Variants in MDGA2 observed in about 807,000 individuals in gnomAD.
The protein encoded by MDGA2 is MAM domain-containing glycosylphosphatidylinositol anchor protein 2.
A neutral mutation model predicts 117.8 loss-of-function variants in MDGA2; 40 were observed. That is an observed-to-expected ratio of 0.34 (90% CI 0.26 to 0.44). MDGA2 has a LOEUF of 0.44. Ranked by LOEUF, MDGA2 falls within the 20% of genes least tolerant of loss-of-function variation. The pLI is 1.00. For synonymous variants in MDGA2, 452 were observed against 439.0 expected, an observed-to-expected ratio of 1.03 and a Z score of -0.37; for missense variants, 1,123 against 1,250.6, an observed-to-expected ratio of 0.90 and a Z score of 1.54.
rs1035505741 is a variant in MDGA2, at chr14:47,675,555, C to T, written c.-759G>A. Among the ~76,000 whole-genome samples, 1 of 152,164 alleles carries T rather than the reference C, an allele frequency of 6.6e-6. No homozygotes were observed. The highest frequency in any genetic ancestry group is 2.4e-5 in the African/African-American group (1 of 41,456). ...GTGCTCTGGCCGGCCGCACCAATTC[C>T]CGGAGCCGAAAGCAGAGTCCAGGCA... On this transcript the variant is annotated 5_prime_UTR_variant, in exon 1 of 17. Transcript: ENST00000399232.
intron 3 of MDGA2, 146 bp from the exon 4 acceptor site, chr14:47,144,420 T>G (rs1039467168): frequency 1.8e-6 from 1 of 557,156 alleles, no homozygotes; most frequent in Admixed American, 3.4e-5. Flanking sequence ...CTCAGCTTAT[T>G]GAATTCATTT....
At chr14:47,413,696 CAAA>C (rs1215232187) in intron 1 of MDGA2, among the ~76,000 whole-genome samples, 1 of 146,380 alleles carries the variant, frequency 6.8e-6, no homozygotes, top group East Asian at 2.0e-4. Flanking sequence ...TTTGAGAAAA[CAAA>C]GACACTTTTC....
chr14:47,355,655 C>T (rs760542564), intron 1 of MDGA2, among the ~76,000 whole-genome samples: 5 of 152,094 alleles, frequency 3.3e-5, no homozygotes, highest in Non-Finnish European at 5.9e-5. Context: ...ATGAGGAGGA[C>T]TTCCTCTGCT....
chr14:47,505,485 G>C (rs186423965), intron 1 of MDGA2, among the ~76,000 whole-genome samples: 8 of 152,254 alleles, frequency 5.3e-5, no homozygotes, highest in Admixed American at 4.6e-4. Flanking sequence ...CAATTAAGAT[G>C]TGTCAAAATA....
rs377627666 is a variant in MDGA2 at position 47,600,723 on chromosome 14, T to TAAAAAAAAA, written c.280+73785_280+73793dup. On this transcript the variant is annotated intron_variant, in intron 1 of 16. Coordinates refer to ENST00000399232, the MANE Select transcript of MDGA2 (RefSeq NM_001113498.3). ...GTTGTGTCTTTTCTCATCGGATCAT[T>TAAAAAAAAA]AAAAAAAAAAAAAGTAGGGAAGAGT... Among the ~76,000 whole-genome samples the TAAAAAAAAA allele has an allele frequency of 5.3e-3, 741 of 140,004 alleles. 9 individuals are homozygous for TAAAAAAAAA. Among genetic ancestry groups the TAAAAAAAAA allele is most frequent in the African/African-American group, 0.019 (685 of 36,554 alleles). The allele number at this position is 140,004 out of a possible 152,430, so 91.8% of individuals were successfully genotyped here.
At chr14:47,212,990 T>G (rs1304839685) in intron 3 of MDGA2, among the ~76,000 whole-genome samples, 1 of 152,152 alleles carries the variant, frequency 6.6e-6, no homozygotes, top group African/African-American at 2.4e-5. Flanking sequence ...CTGCCCTGTT[T>G]CCTTATCATT....
intron 2 of MDGA2, among the ~76,000 whole-genome samples, chr14:47,250,899 G>C (rs959569470): frequency 5.9e-5 from 9 of 152,148 alleles, no homozygotes; most frequent in Non-Finnish European, 8.8e-5. Context: ...GAATCTGGGA[G>C]GAGCTGCATC....
intron 1 of MDGA2, among the ~76,000 whole-genome samples, chr14:47,502,235 T>C (rs1040205757): frequency 2.3e-4 from 35 of 152,266 alleles, no homozygotes; most frequent in African/African-American, 8.2e-4. Flanking sequence ...AAAGTATCCC[T>C]TACTTTTAGG....
intron 5 of MDGA2, among the ~76,000 whole-genome samples, chr14:47,120,836 T>C (rs531383460): frequency 6.6e-6 from 1 of 152,144 alleles, no homozygotes; most frequent in Non-Finnish European, 1.5e-5. Context: ...AACTACCACA[T>C]AGAGTCATTT....
intron 1 of MDGA2, among the ~76,000 whole-genome samples, chr14:47,525,639 T>C (rs1894956369): frequency 6.6e-6 from 1 of 151,898 alleles, no homozygotes; most frequent in African/African-American, 2.4e-5. Flanking sequence ...GAACCGAGAC[T>C]GCACCACTGC....
chr14:47,500,433 C>T lies in MDGA2; in HGVS notation c.280+174084G>A, dbSNP rs1894376546. On this transcript the variant is annotated intron_variant, in intron 1 of 16. Transcript: ENST00000399232. Reference sequence around the variant, plus strand: ...TATATACTGATTTAGATAGCTGAGCCAGAAAATCTGAAATGAAATTTCATT... The same window carrying T: ...TATATACTGATTTAGATAGCTGAGCTAGAAAATCTGAAATGAAATTTCATT... 3.3e-5 allele frequency among the ~76,000 whole-genome samples: 5 copies of T among 152,094 alleles called. 1 individual carries two copies. The Middle Eastern group carries it at 0.01, about 310-fold the overall frequency.
chr14:47,565,135 A>G (rs1895892223), intron 1 of MDGA2, among the ~76,000 whole-genome samples: 1 of 152,132 alleles, frequency 6.6e-6, no homozygotes, highest in Admixed American at 6.5e-5. Context: ...CAGCCTAGTT[A>G]AGAACCACTG....
At chr14:46,905,666 A>C (rs572843466) in intron 10 of MDGA2, among the ~76,000 whole-genome samples, 1 of 152,298 alleles carries the variant, frequency 6.6e-6, no homozygotes, top group African/African-American at 2.4e-5. Context: ...TGCTTTGAGC[A>C]TCAATATGAC....
At chr14:47,264,315 G>C (rs1161762640) in intron 2 of MDGA2, among the ~76,000 whole-genome samples, 1 of 152,036 alleles carries the variant, frequency 6.6e-6, no homozygotes, top group Non-Finnish European at 1.5e-5. Context: ...AAATAATAGA[G>C]CCAAACTACT....
intron 1 of MDGA2, among the ~76,000 whole-genome samples, chr14:47,588,062 T>C (rs1896359249): frequency 1.3e-5 from 2 of 151,772 alleles, no homozygotes; most frequent in Admixed American, 1.3e-4. Flanking sequence ...CTGCATTTCT[T>C]TCTATTACTG....
At chr14:47,669,703 G>T (rs1276841540) in intron 1 of MDGA2, among the ~76,000 whole-genome samples, 1 of 152,028 alleles carries the variant, frequency 6.6e-6, no homozygotes, top group Non-Finnish European at 1.5e-5. Flanking sequence ...AGAGGAAAAA[G>T]AGGTTGGAGC....
chr14:47,216,610 A>T (rs1223218147), intron 3 of MDGA2, among the ~76,000 whole-genome samples: 1 of 152,166 alleles, frequency 6.6e-6, no homozygotes, highest in East Asian at 1.9e-4. Flanking sequence ...TTTAGATTTT[A>T]CAATTGTGTT....
At chr14:47,658,236 G>A (rs1897781692) in intron 1 of MDGA2, among the ~76,000 whole-genome samples, 1 of 152,236 alleles carries the variant, frequency 6.6e-6, no homozygotes, top group Middle Eastern at 3.4e-3. Flanking sequence ...TATGTAACAT[G>A]AGCAGGGGAG....
In MDGA2 at chr14:47,180,778, G is replaced by A. The variant is rs182261690; in HGVS notation, c.596-36504C>T. Among the ~76,000 whole-genome samples, 85 of 152,060 alleles carry A rather than the reference G, an allele frequency of 5.6e-4. 2 individuals are homozygous for A. Among genetic ancestry groups the A allele is most frequent in the East Asian group, 5.5e-3 (28 of 5,136 alleles). ...TCTACTAAAAATACAAAAATTAGCC[G>A]GTCATGATGGCACGCGCCTGTAGTC... On this transcript the variant is annotated intron_variant, in intron 3 of 16. Transcript: ENST00000399232.
Sources: allele counts gnomAD v4.1 joint callset (sites outside exome capture counted in the v4.1 genomes callset), GRCh38; gene constraint gnomAD v4.1.1; transcripts MANE v1.5; gene names NCBI Gene and HGNC (gene_info 2026-07-23, HGNC 2026-07-21).